Variants in EML6 observed in about 807,000 individuals in gnomAD.
The protein encoded by EML6 is EMAP like 6.
A neutral mutation model predicts 240.1 loss-of-function variants in EML6; 154 were observed. The observed-to-expected ratio is 0.64, with a 90% confidence interval of 0.56 to 0.73. The LOEUF (loss-of-function observed/expected upper bound fraction) is 0.73, where lower values mean the gene tolerates loss of function less well. EML6 is among the 30% of genes least tolerant of loss of function. The probability of loss-of-function intolerance (pLI) is 0.00; values close to 1 mark genes in which losing one functional copy is unlikely to be tolerated. For synonymous variants in EML6, 1,148 were observed against 899.0 expected (o/e 1.28, Z -4.95); for missense variants, 2,964 against 2,474.6 (o/e 1.20, Z -4.20).
chr2:54,936,441 T>A lies in EML6; in HGVS notation c.4004+7690T>A, dbSNP rs187809765. Among the ~76,000 whole-genome samples the A allele has an allele frequency of 6.0e-4, 92 of 152,298 alleles. 1 individual carries two copies. Among genetic ancestry groups the A allele is most frequent in the African/African-American group, 2.2e-3 (92 of 41,556 alleles). On this transcript the variant is annotated intron_variant, in intron 28 of 41. Coordinates refer to ENST00000356458, the MANE Select transcript of EML6 (RefSeq NM_001039753.4). ...ACTTAACCGGCCACATAGGGGTTGGTCATAATGGATATTTTTATTTGCTAT... is the reference window on the plus strand; with the variant it reads ...ACTTAACCGGCCACATAGGGGTTGGACATAATGGATATTTTTATTTGCTAT...
intron 36 of EML6, among the ~76,000 whole-genome samples, chr2:54,962,978 C>T (rs1290743901): frequency 2.0e-5 from 3 of 152,192 alleles, no homozygotes; most frequent in Non-Finnish European, 4.4e-5. Context: ...GATGAGAAGA[C>T]TAAAAATGAT....
At chr2:54,759,179 G>C (rs1487349164) in intron 2 of EML6, among the ~76,000 whole-genome samples, 1 of 150,122 alleles carries the variant, frequency 6.7e-6, no homozygotes, top group Admixed American at 6.7e-5. Context: ...TGTCTAGCAT[G>C]TCTTCTTTTC....
intron 35 of EML6, among the ~76,000 whole-genome samples, chr2:54,961,570 C>G (rs1301170640): frequency 2.0e-5 from 3 of 151,994 alleles, no homozygotes; most frequent in Admixed American, 1.3e-4. Context: ...CTGCTTTGCT[C>G]TGCAGTCACT....
At chr2:54,775,437 G>C (rs981373671) in intron 2 of EML6, among the ~76,000 whole-genome samples, 1 of 152,034 alleles carries the variant, frequency 6.6e-6, no homozygotes, top group Non-Finnish European at 1.5e-5. Flanking sequence ...CCCTCGATTT[G>C]GCCTTGGCTT....
chr2:54,829,365 T>C lies in EML6; in HGVS notation c.735T>C (p.Ala245=). The change falls in exon 7 of 42, where the codon GCT becomes GCC. Residue 245 remains alanine, a synonymous_variant. Transcript: ENST00000356458. ...AHSAGIFSMY[A]CEEGFATGGR... ...AGGCTGGAATCTTTAGCATGTATGC[T>C]TGTGAAGAAGGCTTTGCCACTGGTG... 6.4e-7 allele frequency: 1 copy of C among 1,551,868 alleles called. No homozygotes were observed. Among genetic ancestry groups the C allele is most frequent in the South Asian group, 1.2e-5 (1 of 84,050 alleles).
At chr2:54,803,585 C>T (rs558457822) in intron 2 of EML6, among the ~76,000 whole-genome samples, 3 of 152,194 alleles carry the variant, frequency 2.0e-5, no homozygotes, top group African/African-American at 2.4e-5. Flanking sequence ...CTTTGGAGAA[C>T]GCCTTGCATT....
chr2:54,725,406 C>G lies in EML6; in HGVS notation c.197+148C>G, dbSNP rs539246496. On this transcript the variant is annotated intron_variant, in intron 2 of 41. Transcript: ENST00000356458. The surrounding 1 kb of genome is among the most constrained non-coding windows in gnomAD (Gnocchi z 4.3). ...TGGAATTACTGAAGGGCTGCTGATT[C>G]TAGGGCCAGGGCAGAAACAGTGTGG... 3.5e-6 allele frequency: 2 copies of G among 570,616 alleles called. No homozygotes were observed. The highest frequency in any genetic ancestry group is 3.0e-5 in the South Asian group (1 of 32,816). The allele number at this position is 570,616 out of a possible 1,614,324, so 35.3% of individuals were successfully genotyped here. A position where few individuals can be genotyped will look rare whatever the true frequency, so the allele number is the denominator to read the frequency against.
intron 28 of EML6, among the ~76,000 whole-genome samples, chr2:54,931,148 G>A (rs1046519895): frequency 6.6e-6 from 1 of 151,754 alleles, no homozygotes; most frequent in African/African-American, 2.4e-5. Context: ...TAGTAGAGAC[G>A]GGGTTTCACC....
chr2:54,783,852 A>G (rs56113416), intron 2 of EML6, among the ~76,000 whole-genome samples: 33,394 of 151,976 alleles, frequency 0.22, 3,958 homozygotes, highest in Middle Eastern at 0.34. Flanking sequence ...TTTGTATTCT[A>G]TTTTCTCTCA....
intron 9 of EML6, 128 bp downstream of exon 9, chr2:54,847,751 A>AT: frequency 1.1e-6 from 1 of 902,598 alleles, no homozygotes; most frequent in Non-Finnish European, 1.6e-6. Flanking sequence ...AATACTATAG[A>AT]TCTACGATCC....
At chr2:54,737,036 G>A (rs1683427476) in intron 2 of EML6, among the ~76,000 whole-genome samples, 3 of 152,222 alleles carry the variant, frequency 2.0e-5, no homozygotes, top group Non-Finnish European at 4.4e-5. Context: ...GGATTGGGTG[G>A]AGAGGGGTTG....
chr2:54,824,127 G>A (rs1481193361), intron 5 of EML6, among the ~76,000 whole-genome samples: 1 of 152,044 alleles, frequency 6.6e-6, no homozygotes, highest in African/African-American at 2.4e-5. Flanking sequence ...AACTAGATTT[G>A]CTGCTTAATT....
chr2:54,842,278 A>C (rs1448963258), intron 7 of EML6, among the ~76,000 whole-genome samples: 2 of 152,212 alleles, frequency 1.3e-5, no homozygotes, highest in African/African-American at 4.8e-5. Context: ...ATTTTGCAGT[A>C]AACAGTTTTT....
intron 24 of EML6, among the ~76,000 whole-genome samples, chr2:54,905,312 T>G (rs1049399766): frequency 3.1e-4 from 40 of 130,376 alleles, no homozygotes; most frequent in Admixed American, 1.7e-3. Context: ...TTAACTTTAT[T>G]TAGAATCCGA....
chr2:54,843,567 G>A (rs1418420871), intron 7 of EML6, among the ~76,000 whole-genome samples: 1 of 152,094 alleles, frequency 6.6e-6, no homozygotes, highest in Non-Finnish European at 1.5e-5. Flanking sequence ...AGAATGGGCT[G>A]GGCGTGGTGG....
chr2:54,868,296 G>C (rs189704241), intron 14 of EML6: 2 of 152,170 alleles, frequency 1.3e-5, no homozygotes, highest in East Asian at 3.9e-4. Context: ...AAATCAACAT[G>C]AATATATTAC....
At chr2:54,961,196 T>TGTTTG (rs1676493972) in intron 35 of EML6, among the ~76,000 whole-genome samples, 1 of 119,780 alleles carries the variant, frequency 8.3e-6, no homozygotes. Context: ...TTTTTTTTTT[T>TGTTTG]TTTTTTTGAG....
intron 21 of EML6, among the ~76,000 whole-genome samples, chr2:54,898,559 A>T (rs183133633): frequency 6.6e-6 from 1 of 152,168 alleles, no homozygotes. Context: ...TCATTTTCTC[A>T]TATTTGAATG....
At chr2:54,884,938 C>T (rs1372186382) in intron 17 of EML6, among the ~76,000 whole-genome samples, 1 of 152,064 alleles carries the variant, frequency 6.6e-6, no homozygotes, top group Non-Finnish European at 1.5e-5. Context: ...CTCTGGGAGG[C>T]TGAGGCAGGT....
Sources: gnomAD v4.1 joint callset for allele counts (sites outside exome capture counted in the v4.1 genomes callset) on GRCh38, gnomAD v4.1.1 for gene constraint, Gnocchi (gnomAD v3.1) non-coding constraint, MANE v1.5 for transcripts, NCBI Gene and HGNC (gene_info 2026-07-23, HGNC 2026-07-21) for gene names.